Variants in TTLL5 observed in about 807,000 individuals in gnomAD.
TTLL5 encodes tubulin polyglutamylase TTLL5.
A neutral mutation model predicts 168.4 loss-of-function variants in TTLL5; 132 were observed. The observed-to-expected ratio is 0.78, with a 90% confidence interval of 0.68 to 0.91. The LOEUF (loss-of-function observed/expected upper bound fraction) is 0.91, where lower values mean the gene tolerates loss of function less well. TTLL5 is among the 40% of genes least tolerant of loss of function. The probability of loss-of-function intolerance (pLI) is 0.00; values close to 1 mark genes in which losing one functional copy is unlikely to be tolerated. For missense variants in TTLL5, 1,545 were observed against 1,581.5 expected (o/e 0.98, Z 0.39); for synonymous variants, 546 against 558.6 (o/e 0.98, Z 0.32).
At chr14:75,691,964 T>C (rs1885496733) in intron 6 of TTLL5, among the ~76,000 whole-genome samples, 1 of 152,234 alleles carries the variant, frequency 6.6e-6, no homozygotes, top group Non-Finnish European at 1.5e-5. Flanking sequence ...GGCCATTGGT[T>C]GGCAATTCAT....
At chr14:75,820,240 G>T in intron 28 of TTLL5, 79 bp downstream of exon 28, 1 of 1,429,588 alleles carries the variant, frequency 7.0e-7, no homozygotes, top group Non-Finnish European at 9.2e-7. Context: ...CCCACCTTGA[G>T]TTCTGTATGG....
intron 7 of TTLL5, among the ~76,000 whole-genome samples, chr14:75,702,232 C>T (rs1306604455): frequency 6.6e-6 from 1 of 152,256 alleles, no homozygotes; most frequent in Admixed American, 6.5e-5. Context: ...GCCTTTTACC[C>T]TGAGTCTCCT....
chr14:75,716,496 T>G (rs1318810568), intron 9 of TTLL5, among the ~76,000 whole-genome samples: 5 of 152,158 alleles, frequency 3.3e-5, no homozygotes. Flanking sequence ...AGAGGAAAGT[T>G]TTTTAATGCT....
At chr14:75,698,849 A>AAGCTATGG in intron 6 of TTLL5, among the ~76,000 whole-genome samples, 1 of 152,092 alleles carries the variant, frequency 6.6e-6, no homozygotes, top group East Asian at 1.9e-4. Flanking sequence ...AGGGTGCAAT[A>AAGCTATGG]AGCTATGGAA....
intron 9 of TTLL5, chr14:75,709,842 AAAAAAAAAAAAAAG>A (rs1886937455): frequency 6.4e-6 from 1 of 156,366 alleles, no homozygotes; most frequent in Non-Finnish European, 1.4e-5. Flanking sequence ...AAAAAAAAAA[AAAAAAAAAAAAAAG>A]ACCAAGAAAA....
Position 75,783,850 on chromosome 14 carries a change from T to C in TTLL5, c.2986+320T>C, listed in dbSNP as rs1892206513. On this transcript the variant is annotated intron_variant, in intron 26 of 31. Coordinates refer to ENST00000298832, the MANE Select transcript of TTLL5 (RefSeq NM_015072.5). ...ACCATCTATGAGTGTGCTATATGCATTCTCTGTGCTTCAAATAGTTATTCC... is the reference window on the plus strand; with the variant it reads ...ACCATCTATGAGTGTGCTATATGCACTCTCTGTGCTTCAAATAGTTATTCC... 3.9e-5 allele frequency among the ~76,000 whole-genome samples: 6 copies of C among 152,314 alleles called. No homozygotes were observed. In the South Asian group the frequency reaches 1.2e-3, roughly 32 times the overall value.
At chr14:75,864,370 A>G (rs2030326151) in intron 29 of TTLL5, among the ~76,000 whole-genome samples, 2 of 152,210 alleles carry the variant, frequency 1.3e-5, no homozygotes. Context: ...TCATCTATAA[A>G]TGATAGCTAT....
intron 31 of TTLL5, among the ~76,000 whole-genome samples, chr14:75,914,840 G>GTC (rs1283706999): frequency 4.6e-5 from 7 of 152,112 alleles, no homozygotes; most frequent in Non-Finnish European, 1.0e-4. Context: ...AGCCAGGATG[G>GTC]TCTCGATCTC....
At chr14:75,703,044 C>CT (rs1886396146) in intron 7 of TTLL5, among the ~76,000 whole-genome samples, 1 of 152,170 alleles carries the variant, frequency 6.6e-6, no homozygotes, top group South Asian at 2.1e-4. Flanking sequence ...TGCCTGGATC[C>CT]TTTCCCATGG....
In TTLL5 at chr14:75,847,239, G is replaced by A. The variant is rs10134977; in HGVS notation, c.3327-16428G>A. 6.3e-3 allele frequency among the ~76,000 whole-genome samples: 951 copies of A among 152,142 alleles called. 23 individuals are homozygous for A. The highest frequency in any genetic ancestry group is 0.022 in the African/African-American group (921 of 41,424). ...TCTGGTCTCAAACTCCTGACCTCAG[G>A]TGATCCACCCACCTCGGCCTTCCAA... On this transcript the variant is annotated intron_variant, in intron 28 of 31. Coordinates refer to ENST00000298832, the MANE Select transcript of TTLL5 (RefSeq NM_015072.5).
chr14:75,886,815 T>C, intron 30 of TTLL5: 4 of 1,571,566 alleles, frequency 2.5e-6, no homozygotes, highest in Non-Finnish European at 8.6e-7. Flanking sequence ...CTCTTGTAAA[T>C]GAGCTTTTTT....
Position 75,745,780 on chromosome 14 carries a change from T to A in TTLL5, c.1487+199T>A, listed in dbSNP as rs187313184. Among the ~76,000 whole-genome samples the A allele has an allele frequency of 2.0e-3, 312 of 152,242 alleles. 1 individual carries two copies. The highest frequency in any genetic ancestry group is 3.4e-3 in the Non-Finnish European group (228 of 68,012). On this transcript the variant is annotated intron_variant, in intron 17 of 31. Transcript: ENST00000298832. ...CCTGTGTATTATTTCTCCCTTTTAA[T>A]CCTCTGCCTCCCTCCTAACTAGCTT...
At chr14:75,675,415 T>C (rs1234092731) in intron 3 of TTLL5, among the ~76,000 whole-genome samples, 4 of 152,254 alleles carry the variant, frequency 2.6e-5, no homozygotes, top group Non-Finnish European at 5.9e-5. Flanking sequence ...ATTATTGGTT[T>C]GTTTTCATTT....
At chr14:75,784,228 T>C (rs76819263) in intron 26 of TTLL5, among the ~76,000 whole-genome samples, 3,008 of 152,312 alleles carry the variant, frequency 0.02, 122 homozygotes, top group African/African-American at 0.069. Context: ...ACTGATCTAC[T>C]TCTCTGTTTT....
intron 20 of TTLL5, among the ~76,000 whole-genome samples, chr14:75,770,492 T>C (rs567000895): frequency 1.3e-5 from 2 of 152,314 alleles, no homozygotes; most frequent in South Asian, 2.1e-4. Flanking sequence ...TTGTGGGGAT[T>C]GTAAACAAAG....
intron 31 of TTLL5, among the ~76,000 whole-genome samples, chr14:75,911,969 G>A (rs1408558172): frequency 6.6e-6 from 1 of 152,206 alleles, no homozygotes. Context: ...CATGAGCACA[G>A]GGAGGAATCA....
chr14:75,896,029 T>C (rs1279781128), intron 30 of TTLL5, among the ~76,000 whole-genome samples: 1 of 152,160 alleles, frequency 6.6e-6, no homozygotes, highest in East Asian at 1.9e-4. Flanking sequence ...GAATAGATAA[T>C]ATGCAGTATA....
intron 9 of TTLL5, chr14:75,711,289 C>T (rs930509789): frequency 1.3e-5 from 2 of 152,132 alleles, no homozygotes; most frequent in Admixed American, 6.5e-5. Context: ...ATTTTACTTG[C>T]GTGTTGCTGT....
At chr14:75,920,941 G>A (rs577479540) in intron 31 of TTLL5, among the ~76,000 whole-genome samples, 166 of 152,234 alleles carry the variant, frequency 1.1e-3, no homozygotes, top group Non-Finnish European at 2.1e-3. Context: ...ATGGTATCTC[G>A]TTGTGGTTTT....
Sources: allele counts gnomAD v4.1 joint callset (sites outside exome capture counted in the v4.1 genomes callset), GRCh38; gene constraint gnomAD v4.1.1; transcripts MANE v1.5; gene names NCBI Gene and HGNC (gene_info 2026-07-23, HGNC 2026-07-21).